The following NTRK2 variants were observed in gnomAD, a reference collection of about 807,000 sequenced individuals.
The protein encoded by NTRK2 is BDNF/NT-3 growth factors receptor.
A neutral mutation model predicts 94.5 loss-of-function variants in NTRK2; 13 were observed. The ratio of observed to expected loss-of-function variants is 0.14; its 90% CI spans 0.09 to 0.22. The LOEUF (loss-of-function observed/expected upper bound fraction) is 0.22, where lower values mean the gene tolerates loss of function less well. NTRK2 is among the 10% of genes least tolerant of loss of function. NTRK2 has a pLI of 1.00. For missense variants in NTRK2, 639 were observed against 1,071.2 expected (o/e 0.60, Z 5.63); for synonymous variants, 372 against 407.4 (o/e 0.91, Z 1.05).
In NTRK2 at chr9:84,841,938, G is replaced by A. The variant is rs545603426; in HGVS notation, c.1397-19102G>A. On this transcript the variant is annotated intron_variant, in intron 12 of 18. Coordinates refer to ENST00000277120, the MANE Select transcript of NTRK2 (RefSeq NM_006180.6). Reference sequence around the variant, plus strand: ...ACAGCAAGGTTCAGAGCCATGTGATGAGACGCATCCCAAGAAAAGTGTCAC... The same window carrying A: ...ACAGCAAGGTTCAGAGCCATGTGATAAGACGCATCCCAAGAAAAGTGTCAC... Among the ~76,000 whole-genome samples the A allele has an allele frequency of 7.2e-5, 11 of 152,328 alleles. 1 individual carries two copies. The highest frequency in any genetic ancestry group is 2.6e-4 in the African/African-American group (11 of 41,576).
chr9:84,682,403 T>G (rs1016002615), intron 2 of NTRK2, among the ~76,000 whole-genome samples: 1 of 152,220 alleles, frequency 6.6e-6, no homozygotes, highest in Admixed American at 6.5e-5. Context: ...ATGAATACAC[T>G]TTGTAACTCT....
intron 12 of NTRK2, among the ~76,000 whole-genome samples, chr9:84,836,087 A>G (rs989800826): frequency 1.3e-5 from 2 of 152,214 alleles, no homozygotes; most frequent in African/African-American, 4.8e-5. Context: ...AGCAAACACC[A>G]TAGTTCTGTT....
chr9:85,007,173 T>A (rs1831065126), intron 17 of NTRK2, among the ~76,000 whole-genome samples: 2 of 152,252 alleles, frequency 1.3e-5, no homozygotes, highest in Admixed American at 6.5e-5. Flanking sequence ...ACCATTATGA[T>A]CTAACAAGGG....
intron 14 of NTRK2, among the ~76,000 whole-genome samples, chr9:84,901,358 G>A (rs1342535945): frequency 6.6e-6 from 1 of 151,898 alleles, no homozygotes; most frequent in Non-Finnish European, 1.5e-5. Flanking sequence ...GATTAGCTGG[G>A]ACTACAGGCA....
At chr9:84,679,074 A>G (rs2059236711) in intron 2 of NTRK2, among the ~76,000 whole-genome samples, 1 of 152,192 alleles carries the variant, frequency 6.6e-6, no homozygotes, top group African/African-American at 2.4e-5. Flanking sequence ...AGAAGGTGCC[A>G]TTTATGAGGA....
intron 17 of NTRK2, among the ~76,000 whole-genome samples, chr9:85,005,138 C>T (rs74369488): frequency 0.018 from 2,757 of 152,254 alleles, 49 homozygotes; most frequent in East Asian, 0.055. Context: ...CAAAAGAAAG[C>T]GTTGGTTATT....
intron 9 of NTRK2, among the ~76,000 whole-genome samples, chr9:84,737,468 C>A (rs1234257581): frequency 6.6e-6 from 1 of 152,046 alleles, no homozygotes; most frequent in Non-Finnish European, 1.5e-5. Context: ...TGGTGCAGTG[C>A]TTGGGTTTGA....
intron 12 of NTRK2, among the ~76,000 whole-genome samples, chr9:84,829,274 C>T (rs1054669036): frequency 1.3e-5 from 2 of 152,184 alleles, no homozygotes; most frequent in South Asian, 2.1e-4. Context: ...GCTGGGATTA[C>T]AGGTGCAAGC....
intron 12 of NTRK2, among the ~76,000 whole-genome samples, chr9:84,795,231 C>G (rs2069168946): frequency 2.0e-5 from 3 of 152,182 alleles, no homozygotes; most frequent in Non-Finnish European, 4.4e-5. Context: ...CTACTTTGTC[C>G]TGCTGCCAGG....
At chr9:84,823,302 T>C (rs1346283758) in intron 12 of NTRK2, among the ~76,000 whole-genome samples, 2 of 152,248 alleles carry the variant, frequency 1.3e-5, no homozygotes, top group African/African-American at 4.8e-5. Context: ...ACAAATTTCC[T>C]ATCATGACAG....
In NTRK2 at chr9:84,976,740, A is replaced by G. The variant is rs374064739; in HGVS notation, c.2172+21223A>G. Among the ~76,000 whole-genome samples the G allele has an allele frequency of 1.8e-4, 28 of 152,240 alleles. No individual in the cohort carries two copies. The East Asian group carries it at 4.1e-3, about 22-fold the overall frequency. Reference sequence around the variant, plus strand: ...GCCCTGATCCCACAAAAAAAAAACTATAAACACAACTAGAGAACTCTGTTA... The same window carrying G: ...GCCCTGATCCCACAAAAAAAAAACTGTAAACACAACTAGAGAACTCTGTTA... On this transcript the variant is annotated intron_variant, in intron 17 of 18. Transcript: ENST00000277120.
At chr9:84,795,059 A>G (rs941985216) in intron 12 of NTRK2, among the ~76,000 whole-genome samples, 4 of 152,162 alleles carry the variant, frequency 2.6e-5, no homozygotes, top group African/African-American at 9.6e-5. Flanking sequence ...TCCACGACAG[A>G]GAGCTTCATG....
intron 15 of NTRK2, among the ~76,000 whole-genome samples, chr9:84,937,396 T>A (rs1281141694): frequency 6.6e-6 from 1 of 152,216 alleles, no homozygotes; most frequent in Non-Finnish European, 1.5e-5. Context: ...GTGTGAAATC[T>A]AAGGCTTTAC....
At chr9:84,830,444 T>C (rs2073468715) in intron 12 of NTRK2, among the ~76,000 whole-genome samples, 1 of 152,104 alleles carries the variant, frequency 6.6e-6, no homozygotes, top group African/African-American at 2.4e-5. Context: ...AGGTTTGGGT[T>C]CCTTATTATT....
At position 84,888,982 on chromosome 9, in the gene NTRK2, A is replaced by ATTTTTTTTTTTTT. The variant is rs71369159; in HGVS notation, c.1633+21565_1633+21577dup. 9.3e-3 allele frequency among the ~76,000 whole-genome samples: 944 copies of ATTTTTTTTTTTTT among 101,674 alleles called. 253 individuals carry two copies. The highest frequency in any genetic ancestry group is 0.011 in the Non-Finnish European group (564 of 53,020). The allele number at this position is 101,674 out of a possible 152,430, so 66.7% of individuals were successfully genotyped here. A position where few individuals can be genotyped will look rare whatever the true frequency, so the allele number is the denominator to read the frequency against. ...TCCCCATTATTTATTAATGACAGAAATTTTTTTTTTTTTTTTTTTTTTTTT... is the reference window on the plus strand; with the variant it reads ...TCCCCATTATTTATTAATGACAGAAATTTTTTTTTTTTTTTTTTTTTTTTTTTTTTTTTTTTTT... On this transcript the variant is annotated intron_variant, in intron 14 of 18. Transcript: ENST00000277120.
intron 5 of NTRK2, 93 bp downstream of exon 5, chr9:84,708,005 AT>A: frequency 1.0e-6 from 1 of 955,688 alleles, no homozygotes; most frequent in Non-Finnish European, 1.7e-6. Context: ...TTGCAGATCT[AT>A]TTTTATACCA....
intron 9 of NTRK2, among the ~76,000 whole-genome samples, chr9:84,736,054 C>T (rs1395613107): frequency 6.6e-6 from 1 of 152,188 alleles, no homozygotes; most frequent in Non-Finnish European, 1.5e-5. Flanking sequence ...CACGTTGATG[C>T]AAAGTAGATT....
intron 17 of NTRK2, among the ~76,000 whole-genome samples, chr9:85,019,596 C>T (rs1400372687): frequency 6.6e-6 from 1 of 152,052 alleles, no homozygotes; most frequent in Non-Finnish European, 1.5e-5. Context: ...GGAGCAGTGC[C>T]CTGTAATAGA....
At chr9:84,944,581 ATC>A (rs905475247) in intron 15 of NTRK2, among the ~76,000 whole-genome samples, 6 of 152,256 alleles carry the variant, frequency 3.9e-5, no homozygotes, top group African/African-American at 1.4e-4. Flanking sequence ...GAAATAAGCT[ATC>A]TCAGTGACTC....
Sources: allele counts gnomAD v4.1 joint callset (sites outside exome capture counted in the v4.1 genomes callset), GRCh38; gene constraint gnomAD v4.1.1; transcripts MANE v1.5; gene names NCBI Gene and HGNC (gene_info 2026-07-23, HGNC 2026-07-21).